Variants in TBXAS1 observed in about 807,000 individuals in gnomAD.
TBXAS1 encodes the protein thromboxane A synthase 1.
A neutral mutation model predicts 60.7 loss-of-function variants in TBXAS1; 48 were observed. The ratio of observed to expected loss-of-function variants is 0.79; its 90% CI spans 0.63 to 1.01. The LOEUF (loss-of-function observed/expected upper bound fraction) is 1.01. Among genes scored for constraint, TBXAS1 ranks in the 50% least tolerant of loss-of-function variants. TBXAS1 has a pLI of 0.00. For synonymous variants in TBXAS1, 287 were observed against 269.7 expected, an observed-to-expected ratio of 1.06 and a Z score of -0.63; for missense variants, 685 against 686.3, an observed-to-expected ratio of 1.00 and a Z score of 0.02.
At chr7:140,005,355 G>A (rs995262600) in intron 9 of TBXAS1, among the ~76,000 whole-genome samples, 4 of 150,674 alleles carry the variant, frequency 2.7e-5, no homozygotes, top group Admixed American at 6.6e-5. Context: ...CTTGAACCCG[G>A]GAGGTGGAGG....
chr7:139,952,399 T>C (rs1465204319), intron 5 of TBXAS1, among the ~76,000 whole-genome samples: 1 of 152,216 alleles, frequency 6.6e-6, no homozygotes, highest in Non-Finnish European at 1.5e-5. Flanking sequence ...GAACTCAATA[T>C]TCTAGTGTGA....
In TBXAS1 at chr7:139,783,984, C is replaced by T. The variant is rs79085638; in HGVS notation, c.-169+1255C>T. 2.8e-4 allele frequency among the ~76,000 whole-genome samples: 42 copies of T among 151,334 alleles called. 1 individual carries two copies. In the East Asian group the frequency reaches 8.2e-3, roughly 30 times the overall value. On this transcript the variant is annotated intron_variant, in intron 3 of 16. Transcript: ENST00000336425. ...ATCACTCCCCTCCCTTCACATCCTT[C>T]ACATGCATGCTTGTTTAGTTTTTTT...
In TBXAS1 at chr7:139,955,617, G is replaced by A. The variant is rs778169989; in HGVS notation, c.688+10G>A. On this transcript the variant is annotated intron_variant, in intron 7 of 12. Transcript: ENST00000448866. ...ATCCTGGTTTTACTCTGTAAGTGCGGCTGCAGCCCGGGGCGCTGCGATGAC... is the reference window on the plus strand; with the variant it reads ...ATCCTGGTTTTACTCTGTAAGTGCGACTGCAGCCCGGGGCGCTGCGATGAC... 38 of 1,613,756 alleles carry A rather than the reference G, an allele frequency of 2.4e-5. No homozygotes were observed. The highest frequency in any genetic ancestry group is 3.2e-5 in the Non-Finnish European group (38 of 1,180,020).
chr7:139,885,141 C>T (rs1569507613), intron 3 of TBXAS1, among the ~76,000 whole-genome samples: 1 of 152,164 alleles, frequency 6.6e-6, no homozygotes, highest in Non-Finnish European at 1.5e-5. Flanking sequence ...CCTTGATATT[C>T]ACATCCAAAA....
chr7:139,847,157 A>G (rs1799875030), intron 1 of TBXAS1, among the ~76,000 whole-genome samples: 1 of 152,170 alleles, frequency 6.6e-6, no homozygotes, highest in Non-Finnish European at 1.5e-5. Context: ...TGCACAATAA[A>G]TCAAGCTTTA....
Position 139,859,199 on chromosome 7 carries a change from G to GTTT in TBXAS1, c.90-13018_90-13016dup, listed in dbSNP as rs1221686304. On this transcript the variant is annotated intron_variant, in intron 1 of 12. Coordinates refer to ENST00000448866, the MANE Select transcript of TBXAS1 (RefSeq NM_001061.7). ...CCAAAGCATTCATTTTTTATCGTTA[G>GTTT]TTTTTTTTTTTTTTTTTTTTGAGAC... Among the ~76,000 whole-genome samples, 10 of 114,642 alleles carry GTTT rather than the reference G, an allele frequency of 8.7e-5. 1 individual carries two copies. Among genetic ancestry groups the GTTT allele is most frequent in the Non-Finnish European group, 9.3e-5 (5 of 53,872 alleles). 75.2% of individuals were successfully genotyped at this position (114,642 alleles called of 152,430 possible).
intron 9 of TBXAS1, among the ~76,000 whole-genome samples, chr7:139,986,273 T>G (rs1812451584): frequency 1.3e-5 from 2 of 152,216 alleles, no homozygotes; most frequent in African/African-American, 4.8e-5. Context: ...GGTGAGAAGC[T>G]GAGGCTGCCA....
chr7:139,992,686 G>A (rs943687193), intron 9 of TBXAS1, among the ~76,000 whole-genome samples: 6 of 152,228 alleles, frequency 3.9e-5, no homozygotes, highest in African/African-American at 1.2e-4. Context: ...GGGGGCCTTC[G>A]TTTCCTCCCT....
At position 140,013,870 on chromosome 7, in the gene TBXAS1, G is replaced by A. The variant is rs1409269257; in HGVS notation, c.1227-1853G>A. ...CCTAAACTACCTCTCACTGTGCATC[G>A]CAAGTCACTGCCCATCTTCCTGGCT... On this transcript the variant is annotated intron_variant, in intron 10 of 12. Coordinates refer to ENST00000448866, the MANE Select transcript of TBXAS1 (RefSeq NM_001061.7). The surrounding 1 kb of genome is among the most constrained non-coding windows in gnomAD (Gnocchi z 4.2). 6.6e-6 allele frequency among the ~76,000 whole-genome samples: 1 copy of A among 152,200 alleles called. No individual in the cohort carries two copies. Among genetic ancestry groups the A allele is most frequent in the Non-Finnish European group, 1.5e-5 (1 of 68,036 alleles).
At chr7:139,894,707 C>T (rs1803942308) in intron 3 of TBXAS1, among the ~76,000 whole-genome samples, 1 of 152,210 alleles carries the variant, frequency 6.6e-6, no homozygotes, top group African/African-American at 2.4e-5. Context: ...CTTTCCCACA[C>T]TCTTTGGGGG....
chr7:139,894,647 A>G (rs556898208), intron 3 of TBXAS1, among the ~76,000 whole-genome samples: 13 of 152,172 alleles, frequency 8.5e-5, no homozygotes, highest in Non-Finnish European at 1.6e-4. Flanking sequence ...TCTTTCTACC[A>G]TCGGTTCTCC....
chr7:139,846,533 C>A (rs945279163), intron 1 of TBXAS1, among the ~76,000 whole-genome samples: 1 of 152,210 alleles, frequency 6.6e-6, no homozygotes, highest in Non-Finnish European at 1.5e-5. Flanking sequence ...TTAGTGTTAT[C>A]TGATAACTGC....
chr7:139,875,922 G>A, intron 3 of TBXAS1: 1 of 478,548 alleles, frequency 2.1e-6, no homozygotes, highest in Non-Finnish European at 3.8e-6. Flanking sequence ...TCCCGTTGCT[G>A]TGCTGAGGGG....
chr7:139,920,014 C>T (rs1806327742), intron 4 of TBXAS1, among the ~76,000 whole-genome samples: 1 of 152,192 alleles, frequency 6.6e-6, no homozygotes, highest in Non-Finnish European at 1.5e-5. Context: ...TAATCACAGA[C>T]ACCATTCAGA....
At chr7:139,867,731 C>T (rs1394263140) in intron 1 of TBXAS1, among the ~76,000 whole-genome samples, 2 of 152,066 alleles carry the variant, frequency 1.3e-5, no homozygotes, top group African/African-American at 2.4e-5. Context: ...GCAGGAGAAT[C>T]GCTTGAGCCC....
At chr7:139,875,694 T>C (rs1802178709) in intron 3 of TBXAS1, 57 bp downstream of exon 3, 2 of 1,601,266 alleles carry the variant, frequency 1.2e-6, no homozygotes, top group African/African-American at 2.7e-5. Flanking sequence ...ATGTACGATA[T>C]TTTGATTTTC....
intron 12 of TBXAS1, among the ~76,000 whole-genome samples, chr7:140,019,409 A>G (rs1815362376): frequency 6.6e-6 from 1 of 152,060 alleles, no homozygotes. Flanking sequence ...GTCTCCCAAA[A>G]CGCTGCTTAT....
At position 139,906,564 on chromosome 7, in the gene TBXAS1, C is replaced by T. The variant is rs138445342; in HGVS notation, c.237-4661C>T. On this transcript the variant is annotated intron_variant, in intron 3 of 12. Coordinates refer to ENST00000448866, the MANE Select transcript of TBXAS1 (RefSeq NM_001061.7). ...TTGGGATCTCGTAGACTGATTCCTC[C>T]CACTTTATTCTTTTTTCAAAATTGA... 1.1e-3 allele frequency among the ~76,000 whole-genome samples: 164 copies of T among 152,224 alleles called. 1 individual carries two copies. Among genetic ancestry groups the T allele is most frequent in the African/African-American group, 3.7e-3 (155 of 41,528 alleles).
chr7:139,910,193 CTG>C (rs1805407729), intron 3 of TBXAS1, among the ~76,000 whole-genome samples: 1 of 152,202 alleles, frequency 6.6e-6, no homozygotes, highest in African/African-American at 2.4e-5. Context: ...CCCTTGGAAA[CTG>C]TGACTGGGTC....
Sources: gnomAD v4.1 joint callset for allele counts (sites outside exome capture counted in the v4.1 genomes callset) on GRCh38, gnomAD v4.1.1 for gene constraint, Gnocchi (gnomAD v3.1) non-coding constraint, MANE v1.5 for transcripts, NCBI Gene and HGNC (gene_info 2026-07-23, HGNC 2026-07-21) for gene names.